IFI27: variants seen among roughly 807,000 people sequenced by gnomAD.
IFI27 encodes interferon alpha inducible protein 27, also known as interferon alpha-inducible protein 27, mitochondrial.
Under a neutral mutation model 8.9 loss-of-function variants are expected in IFI27, and 3 were observed. The ratio of observed to expected loss-of-function variants is 0.34; its 90% CI spans 0.15 to 0.87. The LOEUF (loss-of-function observed/expected upper bound fraction) is 0.87. Among genes scored for constraint, IFI27 ranks in the 40% least tolerant of loss-of-function variants. The pLI, the probability that IFI27 is intolerant of heterozygous loss-of-function variation, is 0.51. For synonymous variants in IFI27, 66 were observed against 67.3 expected, an observed-to-expected ratio of 0.98 and a Z score of 0.09; for missense variants, 152 against 157.7, an observed-to-expected ratio of 0.96 and a Z score of 0.19.
chr14:94,114,935 TG>T, intron 3 of IFI27, 55 bp downstream of exon 3: 3 of 1,543,742 alleles, frequency 1.9e-6, no homozygotes, highest in Non-Finnish European at 1.8e-6. Context: ...GAGGTGGACT[TG>T]GGGAGCAGCT....
rs1452717182 is a variant in IFI27, at chr14:94,111,231, A to G, written c.-58-394A>G. Among the ~76,000 whole-genome samples the G allele has an allele frequency of 6.6e-6, 1 of 152,152 alleles. No individual in the cohort carries two copies. The highest frequency in any genetic ancestry group is 2.4e-5 in the African/African-American group (1 of 41,434). On this transcript the variant is annotated intron_variant, in intron 1 of 4. Coordinates refer to ENST00000621160, the Ensembl canonical transcript of IFI27. This position sits in a 1 kb window ranked among gnomAD's most constrained non-coding sequence, Gnocchi z 4.3. ...CCATCTTTTTCACGTTAGTGAGGAG[A>G]TTACATAAGAGCAGGCACCTCGCCT...
rs1461989781 is a variant in IFI27, at chr14:94,111,247, C to T, written c.-58-378C>T. On this transcript the variant is annotated intron_variant, in intron 1 of 4. Coordinates refer to ENST00000621160, the Ensembl canonical transcript of IFI27. This position sits in a 1 kb window ranked among gnomAD's most constrained non-coding sequence, Gnocchi z 4.3. Reference sequence around the variant, plus strand: ...AGTGAGGAGATTACATAAGAGCAGGCACCTCGCCTGCTGTATATGCCTTAA... The same window carrying T: ...AGTGAGGAGATTACATAAGAGCAGGTACCTCGCCTGCTGTATATGCCTTAA... Among the ~76,000 whole-genome samples the T allele has an allele frequency of 1.3e-5, 2 of 152,198 alleles. No homozygotes were observed. Among genetic ancestry groups the T allele is most frequent in the African/African-American group, 2.4e-5 (1 of 41,452 alleles).
rs1246184046 is a variant in IFI27, at chr14:94,111,553, A to T, written c.-58-72A>T. 6 of 740,142 alleles carry T rather than the reference A, an allele frequency of 8.1e-6. No homozygotes were observed. Among genetic ancestry groups the T allele is most frequent in the Non-Finnish European group, 1.4e-5 (6 of 419,046 alleles). 45.8% of individuals were successfully genotyped at this position (740,142 alleles called of 1,614,324 possible). Reference sequence around the variant, plus strand: ...TCCCTAGCCCCCTGGAGCCCGTCACATTTTTCAGGACAGTGGGAAGCAAGT... The same window carrying T: ...TCCCTAGCCCCCTGGAGCCCGTCACTTTTTTCAGGACAGTGGGAAGCAAGT... On this transcript the variant is annotated intron_variant, in intron 1 of 4. Coordinates refer to ENST00000621160, the Ensembl canonical transcript of IFI27. This position sits in a 1 kb window ranked among gnomAD's most constrained non-coding sequence, Gnocchi z 4.3.
chr14:94,112,083 C>T (rs1887215526), intron 2 of IFI27: 2 of 467,744 alleles, frequency 4.3e-6, no homozygotes, highest in Admixed American at 6.8e-5. Context: ...TCTCCCTTCC[C>T]CCAGATTCAC....
chr14:94,114,731 C>T, intron 2 of IFI27, 120 bp from the exon 3 acceptor site: 1 of 955,134 alleles, frequency 1.0e-6, no homozygotes, highest in East Asian at 2.4e-5. Context: ...CAGGAGTCAT[C>T]CCTTCTTGTG....
chr14:94,110,668 C>T (rs1398919457), upstream of IFI27: 5 of 152,196 alleles, frequency 3.3e-5, no homozygotes, highest in Non-Finnish European at 5.9e-5. Context: ...CATTTGTTGC[C>T]TGTGTCAAGG....
chr14:94,112,617 T>G (rs1041198923), intron 2 of IFI27, among the ~76,000 whole-genome samples: 13 of 152,248 alleles, frequency 8.5e-5, no homozygotes, highest in Non-Finnish European at 1.3e-4. Flanking sequence ...ACAGGGCCCC[T>G]GACTCCGACC....
upstream of IFI27, among the ~76,000 whole-genome samples, chr14:94,109,276 T>C (rs1461827658): frequency 7.8e-5 from 9 of 114,974 alleles, no homozygotes; most frequent in Non-Finnish European, 1.5e-4. Flanking sequence ...CCCTCCAGCC[T>C]GGGCAACAAG....
At chr14:94,112,013 G>C in intron 2 of IFI27, 2 of 590,708 alleles carry the variant, frequency 3.4e-6, no homozygotes, top group Non-Finnish European at 6.0e-6. Flanking sequence ...CTCTGGGCCC[G>C]GGCCTCCTCC....
upstream of IFI27, among the ~76,000 whole-genome samples, chr14:94,108,207 A>G (rs1233023139): frequency 6.6e-6 from 1 of 152,184 alleles, no homozygotes; most frequent in Non-Finnish European, 1.5e-5. Flanking sequence ...CATGGTATAT[A>G]TGTGCCACAT....
Position 94,113,649 on chromosome 14 carries a change from G to A in IFI27, c.92-1202G>A, listed in dbSNP as rs140632245. The A allele has an allele frequency of 3.1e-3, 466 of 152,370 alleles. 1 individual carries two copies. Among genetic ancestry groups the A allele is most frequent in the Non-Finnish European group, 4.7e-3 (317 of 68,068 alleles). The allele number at this position is 152,370 out of a possible 1,614,324, so 9.4% of individuals were successfully genotyped here. ...GCTGAGCCTAACAGGCAGGCCTCCAGACACACCGCAGCCAGTTCCTGAGGG... is the reference window on the plus strand; with the variant it reads ...GCTGAGCCTAACAGGCAGGCCTCCAAACACACCGCAGCCAGTTCCTGAGGG... On this transcript the variant is annotated intron_variant, in intron 2 of 4. Transcript: ENST00000621160.
intron 2 of IFI27, among the ~76,000 whole-genome samples, chr14:94,112,623 C>A (rs556362591): frequency 6.6e-6 from 1 of 152,256 alleles, no homozygotes; most frequent in East Asian, 1.9e-4. Context: ...CCCCTGACTC[C>A]GACCCTGACT....
At chr14:94,114,605 C>G (rs1887317570) in intron 2 of IFI27, 1 of 528,976 alleles carries the variant, frequency 1.9e-6, no homozygotes, top group Non-Finnish European at 3.4e-6. Context: ...ACCAACCAAT[C>G]AACTAGGTCA....
At chr14:94,109,361 G>GCCA (rs1887076538), upstream of IFI27, among the ~76,000 whole-genome samples, 1 of 151,026 alleles carries the variant, frequency 6.6e-6, no homozygotes, top group Non-Finnish European at 1.5e-5. Context: ...GGCAGGGAAG[G>GCCA]GCAGAGAAGG....
At chr14:94,112,119 T>G in intron 2 of IFI27, 1 of 343,996 alleles carries the variant, frequency 2.9e-6, no homozygotes, top group East Asian at 5.5e-5. Context: ...CCTTTAGGAG[T>G]TTACCTTGTC....
At chr14:94,106,161 T>G (rs1887012387), upstream of IFI27, among the ~76,000 whole-genome samples, 1 of 152,200 alleles carries the variant, frequency 6.6e-6, no homozygotes, top group Non-Finnish European at 1.5e-5. Flanking sequence ...GGGGGGCCTC[T>G]TTTATAAAGG....
chr14:94,114,978 G>T (rs1462363867), intron 3 of IFI27, 98 bp downstream of exon 3: 3 of 1,106,452 alleles, frequency 2.7e-6, no homozygotes, highest in Non-Finnish European at 4.2e-6. Flanking sequence ...TCCCTCACAT[G>T]GGTGGTCAGG....
chr14:94,114,806 G>A (rs1887326729), intron 2 of IFI27, 45 bp from the exon 3 acceptor site: 2 of 1,611,106 alleles, frequency 1.2e-6, no homozygotes, highest in Admixed American at 1.7e-5. Context: ...AAGTGGAGGG[G>A]AAGCCAGTGT....
At position 94,115,877 on chromosome 14, in the gene IFI27, C is replaced by T. The variant is rs762591542; in HGVS notation, c.218C>T (p.Ala73Val). ...TCCATAGCAGCCAAGATGATGTCCG[C>T]GGCGGCCATTGCCAATGGGGGTGGA... is the stretch of plus-strand genomic sequence containing the variant. Residue 73 changes from alanine (A) to valine (V), a missense_variant, in exon 4 of 5, where the codon GCG becomes GTG. Transcript: ENST00000621160. 89 of 1,600,228 alleles carry T rather than the reference C, an allele frequency of 5.6e-5. No individual in the cohort carries two copies. The highest frequency in any genetic ancestry group is 1.7e-4 in the Middle Eastern group (1 of 6,046).
Sources: allele counts gnomAD v4.1 joint callset (sites outside exome capture counted in the v4.1 genomes callset), GRCh38; gene constraint gnomAD v4.1.1; non-coding constraint Gnocchi (gnomAD v3.1); transcripts MANE v1.5; gene names NCBI Gene and HGNC (gene_info 2026-07-23, HGNC 2026-07-21).